The following UBASH3B variants were observed in gnomAD, a reference collection of about 807,000 sequenced individuals.
The protein encoded by UBASH3B is ubiquitin-associated and SH3 domain-containing protein B.
A neutral mutation model predicts 83.4 loss-of-function variants in UBASH3B; 37 were observed. That is an observed-to-expected ratio of 0.44 (90% CI 0.34 to 0.58). The LOEUF is 0.58. UBASH3B is among the 20% of genes least tolerant of loss of function. The pLI, the probability that UBASH3B is intolerant of heterozygous loss-of-function variation, is 0.01. For synonymous variants in UBASH3B, 304 were observed against 318.3 expected, an observed-to-expected ratio of 0.96 and a Z score of 0.48; for missense variants, 657 against 827.2, an observed-to-expected ratio of 0.79 and a Z score of 2.52.
chr11:122,706,984 G>T (rs1864127745), intron 1 of UBASH3B, among the ~76,000 whole-genome samples: 1 of 152,148 alleles, frequency 6.6e-6, no homozygotes, highest in African/African-American at 2.4e-5. Context: ...ACTGGTAGAT[G>T]ATCTTCCTTA....
Position 122,759,837 on chromosome 11 carries a change from G to A in UBASH3B, c.162-16382G>A, listed in dbSNP as rs891591614. On this transcript the variant is annotated intron_variant, in intron 1 of 13. Transcript: ENST00000284273. This position sits in a 1 kb window ranked among gnomAD's most constrained non-coding sequence, Gnocchi z 4.1. ...CGTACCAGTACCCATCTGTGGCTCA[G>A]GGGTTGGAGACACCTGACTTAGATG... Among the ~76,000 whole-genome samples the A allele has an allele frequency of 1.1e-4, 17 of 152,202 alleles. No homozygotes were observed. Among genetic ancestry groups the A allele is most frequent in the Non-Finnish European group, 1.5e-5 (1 of 68,044 alleles).
chr11:122,808,711 A>G (rs1259537778), intron 13 of UBASH3B, among the ~76,000 whole-genome samples: 1 of 152,196 alleles, frequency 6.6e-6, no homozygotes, highest in Non-Finnish European at 1.5e-5. Flanking sequence ...GCTGCCTCCC[A>G]CACACTTCCC....
intron 1 of UBASH3B, among the ~76,000 whole-genome samples, chr11:122,722,759 G>T (rs1450996004): frequency 6.6e-6 from 1 of 150,846 alleles, no homozygotes; most frequent in Non-Finnish European, 1.5e-5. Context: ...CGGCTGGAGT[G>T]CAGTGGCATG....
intron 9 of UBASH3B, among the ~76,000 whole-genome samples, 175 bp from the exon 10 acceptor site, chr11:122,798,767 G>A (rs553158460): frequency 6.6e-6 from 1 of 150,790 alleles, no homozygotes; most frequent in African/African-American, 2.4e-5. Flanking sequence ...TCATAGGAAC[G>A]CCGATGAGGG....
intron 5 of UBASH3B, among the ~76,000 whole-genome samples, chr11:122,786,621 C>T (rs1012716164): frequency 3.9e-5 from 6 of 152,134 alleles, no homozygotes; most frequent in Non-Finnish European, 1.5e-5. Context: ...GATGCCACTG[C>T]ACTCCAGCCT....
chr11:122,704,998 T>C (rs967058605), intron 1 of UBASH3B, among the ~76,000 whole-genome samples: 2 of 152,178 alleles, frequency 1.3e-5, no homozygotes, highest in African/African-American at 2.4e-5. Context: ...CTCTAAGCCT[T>C]GTTACTGTAA....
chr11:122,771,997 C>G (rs1177489007), intron 1 of UBASH3B, among the ~76,000 whole-genome samples: 4 of 152,176 alleles, frequency 2.6e-5, no homozygotes, highest in African/African-American at 9.7e-5. Flanking sequence ...AAGATAGGAC[C>G]TCAAGAATGC....
intron 1 of UBASH3B, among the ~76,000 whole-genome samples, chr11:122,663,993 C>T (rs1863481874): frequency 6.6e-6 from 1 of 152,212 alleles, no homozygotes; most frequent in Non-Finnish European, 1.5e-5. Flanking sequence ...TAGTGCTACT[C>T]AAGTGGTGAT....
At chr11:122,704,484 C>T (rs1864089712) in intron 1 of UBASH3B, among the ~76,000 whole-genome samples, 1 of 152,006 alleles carries the variant, frequency 6.6e-6, no homozygotes, top group Middle Eastern at 3.4e-3. Context: ...CCACTTTCCT[C>T]AGAGAGGTTA....
chr11:122,749,235 G>T (rs896538423), intron 1 of UBASH3B, among the ~76,000 whole-genome samples: 32 of 152,246 alleles, frequency 2.1e-4, no homozygotes, highest in Admixed American at 6.5e-4. Flanking sequence ...TCTAATTTGT[G>T]GGGCTGGCAG....
intron 1 of UBASH3B, among the ~76,000 whole-genome samples, chr11:122,699,555 T>TTCTTTC (rs1864012994): frequency 6.6e-6 from 1 of 150,494 alleles, no homozygotes; most frequent in Non-Finnish European, 1.5e-5. Context: ...CTTTCTTTCT[T>TTCTTTC]TCTTTCTTTC....
chr11:122,712,140 A>G (rs902835795), intron 1 of UBASH3B, among the ~76,000 whole-genome samples: 3 of 151,574 alleles, frequency 2.0e-5, no homozygotes, highest in African/African-American at 7.3e-5. Context: ...AGCATCTGTT[A>G]TTTCCTTTTT....
chr11:122,777,356 G>C, intron 3 of UBASH3B, 146 bp downstream of exon 3: 1 of 911,020 alleles, frequency 1.1e-6, no homozygotes, highest in Admixed American at 3.1e-5. Context: ...CAAGGGATCA[G>C]TGAGGTCCAC....
intron 10 of UBASH3B, among the ~76,000 whole-genome samples, chr11:122,800,383 C>CA (rs540359065): frequency 0.033 from 2,517 of 76,634 alleles, 49 homozygotes; most frequent in African/African-American, 0.068. Flanking sequence ...ACTAAAAATA[C>CA]AAAAAAAAAA....
intron 11 of UBASH3B, among the ~76,000 whole-genome samples, chr11:122,802,590 T>C (rs895545901): frequency 6.6e-6 from 1 of 152,174 alleles, no homozygotes; most frequent in Non-Finnish European, 1.5e-5. Flanking sequence ...ATAGACAATA[T>C]ATTCTTTTTC....
At chr11:122,736,030 C>T (rs1442407251) in intron 1 of UBASH3B, among the ~76,000 whole-genome samples, 1 of 152,136 alleles carries the variant, frequency 6.6e-6, no homozygotes, top group Non-Finnish European at 1.5e-5. Context: ...GACAGGAAAC[C>T]AGAGCAGACT....
intron 1 of UBASH3B, among the ~76,000 whole-genome samples, chr11:122,676,953 G>A (rs1863675591): frequency 6.6e-6 from 1 of 152,122 alleles, no homozygotes; most frequent in Admixed American, 6.6e-5. Context: ...GTTTGTTGAT[G>A]AATCCATGGA....
At chr11:122,729,740 G>T (rs1860806015) in intron 1 of UBASH3B, among the ~76,000 whole-genome samples, 1 of 134,960 alleles carries the variant, frequency 7.4e-6, no homozygotes, top group Admixed American at 8.3e-5. Context: ...TGGGAGGATC[G>T]CTTGAGCCCA....
chr11:122,731,309 C>G (rs1357463803), intron 1 of UBASH3B, among the ~76,000 whole-genome samples: 2 of 152,128 alleles, frequency 1.3e-5, no homozygotes, highest in Non-Finnish European at 2.9e-5. Flanking sequence ...TTACTGTAGA[C>G]CTGGGTGACT....
Sources: gnomAD v4.1 joint callset for allele counts (sites outside exome capture counted in the v4.1 genomes callset) on GRCh38, gnomAD v4.1.1 for gene constraint, Gnocchi (gnomAD v3.1) non-coding constraint, MANE v1.5 for transcripts, NCBI Gene and HGNC (gene_info 2026-07-23, HGNC 2026-07-21) for gene names.